BRD8: variants seen among roughly 807,000 people sequenced by gnomAD.
The protein encoded by BRD8 is bromodomain containing 8, also known as bromodomain-containing protein 8.
A neutral mutation model predicts 143.1 loss-of-function variants in BRD8; 67 were observed. The ratio of observed to expected loss-of-function variants is 0.47; its 90% CI spans 0.38 to 0.57. BRD8 has a LOEUF of 0.57. BRD8 is among the 20% of genes least tolerant of loss of function. BRD8 has a pLI of 0.00. For missense variants in BRD8, 1,103 were observed against 1,503.0 expected (o/e 0.73, Z 4.40); for synonymous variants, 505 against 517.1 (o/e 0.98, Z 0.32).
In BRD8 at chr5:138,152,640, T is replaced by TG. The variant is rs1439079284; in HGVS notation, c.2697dup (p.Asn900GlnfsTer6). On this transcript the variant is annotated frameshift_variant, in exon 21 of 27. Transcript: ENST00000254900. LOFTEE classifies it high-confidence loss of function. ...TCTGGATCCTCAGTTTCCCTCCAGT[T>TG]GCCCACATCAAGATCCAGACTGGAG... 1 of 1,614,158 alleles carries TG rather than the reference T, an allele frequency of 6.2e-7. No homozygotes were observed. The highest frequency in any genetic ancestry group is 1.1e-5 in the South Asian group (1 of 91,078).
chr5:138,151,878 A>G (rs1398152231), intron 21 of BRD8, among the ~76,000 whole-genome samples: 2 of 144,996 alleles, frequency 1.4e-5, no homozygotes, highest in African/African-American at 2.6e-5. Flanking sequence ...ATTTAGAGAC[A>G]GAGTTTCGCT....
At chr5:138,150,032 C>G (rs1285688911) in intron 22 of BRD8, among the ~76,000 whole-genome samples, 1 of 152,082 alleles carries the variant, frequency 6.6e-6, no homozygotes, top group Admixed American at 6.6e-5. Flanking sequence ...AATGGAAAAG[C>G]ATTATTTGCC....
intron 20 of BRD8, among the ~76,000 whole-genome samples, chr5:138,158,335 G>C (rs1267749410): frequency 6.6e-6 from 1 of 152,166 alleles, no homozygotes; most frequent in African/African-American, 2.4e-5. Context: ...CACAGAGTCA[G>C]AGCCAGTTAA....
rs201442540 is a variant in BRD8 at position 138,152,645 on chromosome 5, A to G, written c.2693T>C (p.Val898Ala). The G allele has an allele frequency of 1.2e-6, 2 of 1,614,170 alleles. No homozygotes were observed. Among genetic ancestry groups the G allele is most frequent in the East Asian group, 4.5e-5 (2 of 44,886 alleles). The change falls in exon 21 of 27, where the codon GTG becomes GCG. Residue 898 changes from valine to alanine, a missense_variant. This residue lies in a region of BRD8 where 369 missense variants were observed against 445.5 expected (regional missense o/e 0.83). Coordinates refer to ENST00000254900, the MANE Select transcript of BRD8 (RefSeq NM_139199.2). ...ATCCTCAGTTTCCCTCCAGTTGCCC[A>G]CATCAAGATCCAGACTGGAGTCCCA... ...SSWDSSLDLD[V>A]GNWRETEDPE...
At chr5:138,144,759 G>A (rs532122387) in intron 25 of BRD8, among the ~76,000 whole-genome samples, 7 of 151,746 alleles carry the variant, frequency 4.6e-5, no homozygotes, top group Non-Finnish European at 7.4e-5. Flanking sequence ...AATATTAGCC[G>A]GACGTGATGG....
intron 20 of BRD8, chr5:138,157,201 T>C: frequency 6.2e-7 from 1 of 1,613,222 alleles, no homozygotes; most frequent in East Asian, 2.2e-5. Flanking sequence ...AGGGTAACTC[T>C]GAGGCTTCAC....
chr5:138,144,793 T>C (rs986782435), intron 25 of BRD8, among the ~76,000 whole-genome samples: 2 of 151,042 alleles, frequency 1.3e-5, no homozygotes, highest in Middle Eastern at 3.4e-3. Flanking sequence ...TCTTAGCTAC[T>C]TGGGAGGCTG....
intron 20 of BRD8, among the ~76,000 whole-genome samples, chr5:138,155,414 A>C (rs1581417075): frequency 6.7e-6 from 1 of 149,306 alleles, no homozygotes; most frequent in Admixed American, 6.7e-5. Context: ...GCGCCATTGC[A>C]CTCCAGCCTG....
Position 138,155,756 on chromosome 5 carries a change from G to C in BRD8, c.2578-2996C>G, listed in dbSNP as rs115952134. On this transcript the variant is annotated intron_variant, in intron 20 of 26. Coordinates refer to ENST00000254900, the MANE Select transcript of BRD8 (RefSeq NM_139199.2). ...TGCCTAGACTGGTCTTGATCTCCTGGGCTCAAGTGATCTTCCTGTCTTGGC... is the reference window on the plus strand; with the variant it reads ...TGCCTAGACTGGTCTTGATCTCCTGCGCTCAAGTGATCTTCCTGTCTTGGC... Among the ~76,000 whole-genome samples the C allele has an allele frequency of 1.7e-3, 251 of 152,042 alleles. 2 individuals are homozygous for C. Among genetic ancestry groups the C allele is most frequent in the African/African-American group, 5.7e-3 (237 of 41,488 alleles).
intron 8 of BRD8, 93 bp from the exon 9 acceptor site, chr5:138,168,171 AAACT>A (rs1753595723): frequency 1.1e-6 from 1 of 874,842 alleles, no homozygotes; most frequent in Non-Finnish European, 1.8e-6. Flanking sequence ...AACTTCATGA[AAACT>A]AATAGCTAAT....
rs1561615439 is a variant in BRD8, at chr5:138,168,007, CCCG to C, written c.711_713del (p.Gly238del). On this transcript the variant is annotated inframe_deletion, in exon 9 of 27. Transcript: ENST00000254900. ...CCCCACCATGTATCATGGGAAGGACCCCGCCTACCTCCAGGAGGACACCTGTAC... is the reference window on the plus strand; with the variant it reads ...CCCCACCATGTATCATGGGAAGGACCCCTACCTCCAGGAGGACACCTGTAC... 1 of 1,613,244 alleles carries C rather than the reference CCCG, an allele frequency of 6.2e-7. No individual in the cohort carries two copies. Among genetic ancestry groups the C allele is most frequent in the East Asian group, 2.2e-5 (1 of 44,874 alleles).
At chr5:138,164,194 A>G (rs1753221066) in intron 13 of BRD8, 61 bp from the exon 14 acceptor site, 1 of 1,591,452 alleles carries the variant, frequency 6.3e-7, no homozygotes, top group Non-Finnish European at 8.6e-7. Context: ...CTTCCTATGG[A>G]CCATAATCCC....
chr5:138,167,526 A>G (rs1753537016), intron 9 of BRD8: 1 of 203,436 alleles, frequency 4.9e-6, no homozygotes, highest in South Asian at 8.7e-5. Context: ...ATATGTTACA[A>G]TAAAAAAGGA....
chr5:138,170,311 C>T, intron 7 of BRD8, 34 bp downstream of exon 7: 1 of 1,389,656 alleles, frequency 7.2e-7, no homozygotes, highest in Non-Finnish European at 1.0e-6. Flanking sequence ...ACTGTGCAAT[C>T]AATTGCTAAA....
chr5:138,142,839 G>A (rs1457924176), intron 25 of BRD8, among the ~76,000 whole-genome samples: 1 of 151,640 alleles, frequency 6.6e-6, no homozygotes, highest in Admixed American at 6.6e-5. Flanking sequence ...GCTGAGGTGG[G>A]AGGATTGCTT....
intron 26 of BRD8, 54 bp downstream of exon 26, chr5:138,140,651 C>T: frequency 6.4e-7 from 1 of 1,557,128 alleles, no homozygotes; most frequent in East Asian, 2.2e-5. Flanking sequence ...CCTTTATTCT[C>T]ATAGGCGTTC....
chr5:138,163,965 G>T (rs891109532), intron 14 of BRD8, 122 bp downstream of exon 14: 2 of 1,195,904 alleles, frequency 1.7e-6, no homozygotes, highest in Non-Finnish European at 2.4e-6. Flanking sequence ...TTTTCCCCAT[G>T]CAACTCCATA....
chr5:138,145,548 A>G lies in BRD8; in HGVS notation c.3368+241T>C, dbSNP rs188621759. On this transcript the variant is annotated intron_variant, in intron 24 of 26. Transcript: ENST00000254900. ...AAGAAGAATATACATTTTAAATATA[A>G]ATTTTATCATGTAGTAGGAACCAAT... is the stretch of plus-strand genomic sequence containing the variant. 2.0e-5 allele frequency among the ~76,000 whole-genome samples: 3 copies of G among 152,334 alleles called. No homozygotes were observed. The East Asian group carries it at 5.8e-4, about 29-fold the overall frequency.
chr5:138,172,033 T>C (rs1409533224), intron 3 of BRD8, 32 bp downstream of exon 3: 5 of 1,583,216 alleles, frequency 3.2e-6, no homozygotes, highest in Non-Finnish European at 4.3e-6. Context: ...ACCCAAAGAC[T>C]GCTCTAAAAG....
Sources: allele counts gnomAD v4.1 joint callset (sites outside exome capture counted in the v4.1 genomes callset), GRCh38; gene constraint gnomAD v4.1.1; regional missense constraint gnomAD v4.1.1; transcripts MANE v1.5; gene names NCBI Gene and HGNC (gene_info 2026-07-23, HGNC 2026-07-21).